Variants in CP observed in about 807,000 individuals in gnomAD.
CP encodes ceruloplasmin.
CP carries 64 observed loss-of-function variants against 122.4 expected under a neutral mutation model. The ratio of observed to expected loss-of-function variants is 0.52; its 90% CI spans 0.43 to 0.64. The LOEUF is 0.64. Ranked by LOEUF, CP falls within the 30% of genes least tolerant of loss-of-function variation. The pLI is 0.00. For synonymous variants in CP, 440 were observed against 436.4 expected, an observed-to-expected ratio of 1.01 and a Z score of -0.10; for missense variants, 1,167 against 1,284.4, an observed-to-expected ratio of 0.91 and a Z score of 1.40.
chr3:149,199,410 T>G (rs1338673738), intron 8 of CP, among the ~76,000 whole-genome samples: 1 of 152,202 alleles, frequency 6.6e-6, no homozygotes, highest in African/African-American at 2.4e-5. Flanking sequence ...TCGAACATTC[T>G]TATAAGAACT....
At chr3:149,199,977 C>T in intron 7 of CP, 113 bp from the exon 8 acceptor site, 1 of 1,108,014 alleles carries the variant, frequency 9.0e-7, no homozygotes, top group South Asian at 1.3e-5. Flanking sequence ...GAGCAACACG[C>T]TTATTTGTGG....
At chr3:149,210,121 C>A in intron 3 of CP, 46 bp downstream of exon 3, 1 of 1,566,280 alleles carries the variant, frequency 6.4e-7, no homozygotes, top group Non-Finnish European at 8.8e-7. Context: ...ACTGCCCTGC[C>A]CCTGTCTTTT....
intron 1 of CP, among the ~76,000 whole-genome samples, chr3:149,218,863 C>T (rs1271773928): frequency 1.3e-5 from 2 of 152,160 alleles, no homozygotes; most frequent in African/African-American, 4.8e-5. Flanking sequence ...CAACATTCAG[C>T]TTAAACTCGA....
chr3:149,194,331 C>T (rs143157125), intron 9 of CP, among the ~76,000 whole-genome samples: 232 of 151,848 alleles, frequency 1.5e-3, no homozygotes, highest in African/African-American at 5.4e-3. Context: ...CTCCGCCTCC[C>T]GGGTTCAAGC....
chr3:149,168,164 C>G, downstream of CP: 1 of 591,344 alleles, frequency 1.7e-6, no homozygotes, highest in South Asian at 2.0e-5. Flanking sequence ...GATTTATCTC[C>G]TAGTCACAGA....
At chr3:149,205,196 AAAAC>A (rs1358853304) in intron 6 of CP, among the ~76,000 whole-genome samples, 18 of 151,364 alleles carry the variant, frequency 1.2e-4, no homozygotes, top group African/African-American at 4.1e-4. Flanking sequence ...ATTAAAAAAA[AAAAC>A]AAAACAGAAA....
chr3:149,201,400 C>T (rs754994867), intron 7 of CP, among the ~76,000 whole-genome samples: 5 of 151,616 alleles, frequency 3.3e-5, no homozygotes, highest in East Asian at 2.0e-4. Flanking sequence ...AGATTACAGG[C>T]GTGAGCCACC....
rs34052330 is a variant in CP, at chr3:149,180,022, A to G, written c.2555-360T>C. The G allele has an allele frequency of 6.7e-3, 1,858 of 276,126 alleles. 36 individuals carry two copies. The highest frequency in any genetic ancestry group is 0.039 in the African/African-American group (1,760 of 45,214). The allele number at this position is 276,126 out of a possible 1,614,324, so 17.1% of individuals were successfully genotyped here. A position where few individuals can be genotyped will look rare whatever the true frequency, so the allele number is the denominator to read the frequency against. ...TTTCCTAATATACTTTTTTCTCTTC[A>G]GATACCAAGTGATTTTTCCCCAGTG... is the stretch of plus-strand genomic sequence containing the variant. On this transcript the variant is annotated intron_variant, in intron 14 of 18. Coordinates refer to ENST00000264613, the MANE Select transcript of CP (RefSeq NM_000096.4).
exon 6 of CP, chr3:149,162,486 G>T (rs1458207912): frequency 2.3e-6 from 2 of 885,922 alleles, no homozygotes; most frequent in East Asian, 2.6e-5. Flanking sequence ...CTAATTAAAA[G>T]ACTATATCTG....
At chr3:149,203,465 T>C (rs1288066279) in intron 6 of CP, among the ~76,000 whole-genome samples, 1 of 152,106 alleles carries the variant, frequency 6.6e-6, no homozygotes, top group African/African-American at 2.4e-5. Context: ...GGCTTTGGTA[T>C]GTTGGCCAGG....
At chr3:149,213,924 G>A (rs189560455) in intron 1 of CP, among the ~76,000 whole-genome samples, 1 of 152,182 alleles carries the variant, frequency 6.6e-6, no homozygotes, top group Admixed American at 6.5e-5. Context: ...TGTTTCTTAA[G>A]TCTGAATATG....
intron 8 of CP, 93 bp downstream of exon 8, chr3:149,199,619 G>A (rs1727162041): frequency 1.4e-6 from 2 of 1,470,832 alleles, no homozygotes; most frequent in Non-Finnish European, 1.9e-6. Flanking sequence ...TTCCTTGGGA[G>A]TTCCTGCCTT....
intron 18 of CP, among the ~76,000 whole-genome samples, chr3:149,174,244 C>T (rs534199039): frequency 5.4e-4 from 82 of 152,234 alleles, no homozygotes; most frequent in African/African-American, 1.7e-3. Flanking sequence ...GTACATGATC[C>T]GGGATTTTCT....
intron 7 of CP, among the ~76,000 whole-genome samples, chr3:149,200,286 T>C (rs1727213084): frequency 6.6e-6 from 1 of 152,116 alleles, no homozygotes. Context: ...CTGTTTTGGA[T>C]TTTCCATGAC....
intron 1 of CP, among the ~76,000 whole-genome samples, chr3:149,219,734 CA>C (rs1728690206): frequency 6.6e-6 from 1 of 151,906 alleles, no homozygotes; most frequent in South Asian, 2.1e-4. Context: ...TAAAGGTACC[CA>C]AAAATGTGAA....
chr3:149,173,742 G>T lies in CP; in HGVS notation c.3182-12C>A, dbSNP rs1725212015. The T allele has an allele frequency of 3.0e-6, 4 of 1,324,228 alleles. No homozygotes were observed. Among genetic ancestry groups the T allele is most frequent in the Non-Finnish European group, 4.2e-6 (4 of 941,808 alleles). 82.0% of individuals were successfully genotyped at this position (1,324,228 alleles called of 1,614,324 possible). Reference sequence around the variant, plus strand: ...GCCAGATTTGGTGTCTATAGAAAAAGAAATTTTAAGACCATTATTAAAAAT... The same window carrying T: ...GCCAGATTTGGTGTCTATAGAAAAATAAATTTTAAGACCATTATTAAAAAT... On this transcript the variant is annotated splice_polypyrimidine_tract_variant and intron_variant, in intron 18 of 18. Coordinates refer to ENST00000264613, the MANE Select transcript of CP (RefSeq NM_000096.4).
At position 149,186,782 on chromosome 3, in the gene CP, A is replaced by G. The variant is rs370392594; in HGVS notation, c.1865-50T>C. On this transcript the variant is annotated intron_variant, in intron 10 of 18. Coordinates refer to ENST00000264613, the MANE Select transcript of CP (RefSeq NM_000096.4). ...TTGGAAGTGGTTTAGATTCTACTAC[A>G]TGACAACCTCACAGACTTTCCAGGA... 1.8e-5 allele frequency: 28 copies of G among 1,545,130 alleles called. No individual in the cohort carries two copies. The African/African-American group carries it at 3.7e-4, about 20-fold the overall frequency.
chr3:149,182,444 C>A (rs1445142147), intron 13 of CP, among the ~76,000 whole-genome samples: 4 of 152,098 alleles, frequency 2.6e-5, no homozygotes, highest in African/African-American at 9.7e-5. Context: ...TTTATCCAAT[C>A]TTAGCTTGTC....
rs541178299 is a variant in CP, at chr3:149,211,949, A to G, written c.394+502T>C. ...CTCACATTCACACTTTCCACGAAAG[A>G]GCACAACCAAGAGAAACATGCCATT... is the stretch of plus-strand genomic sequence containing the variant. On this transcript the variant is annotated intron_variant, in intron 2 of 18. Coordinates refer to ENST00000264613, the MANE Select transcript of CP (RefSeq NM_000096.4). 1.6e-4 allele frequency among the ~76,000 whole-genome samples: 25 copies of G among 152,254 alleles called. 1 individual carries two copies. In the South Asian group the frequency reaches 5.0e-3, roughly 30 times the overall value.
Sources: allele counts gnomAD v4.1 joint callset (sites outside exome capture counted in the v4.1 genomes callset), GRCh38; gene constraint gnomAD v4.1.1; transcripts MANE v1.5; gene names NCBI Gene and HGNC (gene_info 2026-07-23, HGNC 2026-07-21).